Variants in HEATR5A observed in about 807,000 individuals in gnomAD.
The protein encoded by HEATR5A is HEAT repeat-containing protein 5A.
HEATR5A carries 178 observed loss-of-function variants against 218.8 expected under a neutral mutation model. That is an observed-to-expected ratio of 0.81 (90% CI 0.72 to 0.92). HEATR5A has a LOEUF of 0.92. HEATR5A is among the 40% of genes least tolerant of loss of function. HEATR5A has a pLI of 0.00. For synonymous variants in HEATR5A, 864 were observed against 871.6 expected, an observed-to-expected ratio of 0.99 and a Z score of 0.15; for missense variants, 2,420 against 2,418.9, an observed-to-expected ratio of 1.00 and a Z score of -0.01.
chr14:31,294,846 A>G (rs1899127478), intron 34 of HEATR5A, among the ~76,000 whole-genome samples: 1 of 152,116 alleles, frequency 6.6e-6, no homozygotes, highest in African/African-American at 2.4e-5. Flanking sequence ...TTGATGTTCA[A>G]ATGTCATGGT....
At chr14:31,386,978 G>A (rs2030251522) in intron 8 of HEATR5A, 142 bp downstream of exon 8, 1 of 760,582 alleles carries the variant, frequency 1.3e-6, no homozygotes, top group Non-Finnish European at 2.1e-6. Context: ...AAATTCTATA[G>A]GAAGTACAAC....
rs1206060850 is a variant in HEATR5A, at chr14:31,294,088, T to C, written c.5636A>G (p.Tyr1879Cys). Residue 1879 changes from tyrosine to cysteine, a missense_variant, in exon 35 of 36, where the codon TAC becomes TGC. Coordinates refer to ENST00000543095, the MANE Select transcript of HEATR5A (RefSeq NM_015473.4). The stretch of plus-strand genomic sequence containing the variant: ...CTGAAAGATGGAATGTAGGAGCTGG[T>C]AGGTCTTGATTTGTACCTAATAAGG... The part of the protein sequence containing the change: ...IKDPVVQIKT[Y>C]QLLHSIFQYP... 1 of 1,588,224 alleles carries C rather than the reference T, an allele frequency of 6.3e-7. No homozygotes were observed. Among genetic ancestry groups the C allele is most frequent in the Admixed American group, 1.8e-5 (1 of 56,034 alleles).
Position 31,337,612 on chromosome 14 carries a change from C to G in HEATR5A, c.3231G>C (p.Val1077=). Reference sequence around the variant, plus strand: ...GTAACAAGTAGGGGCTACAAAGATTCACCTGAAAAATACCATTTGAGGAAC... The same window carrying G: ...GTAACAAGTAGGGGCTACAAAGATTGACCTGAAAAATACCATTTGAGGAAC... ...NLSSLVSCLC[V]NLCSPYLLLR... Residue 1077 remains valine (V), a splice_region_variant and synonymous_variant, in exon 22 of 36, where the codon GTG becomes GTC. Coordinates refer to ENST00000543095, the MANE Select transcript of HEATR5A (RefSeq NM_015473.4). 2 of 1,599,518 alleles carry G rather than the reference C, an allele frequency of 1.3e-6. No homozygotes were observed. Among genetic ancestry groups the G allele is most frequent in the Non-Finnish European group, 1.7e-6 (2 of 1,172,644 alleles).
Position 31,293,362 on chromosome 14 carries a change from T to C in HEATR5A, c.6084A>G (p.Lys2028=), listed in dbSNP as rs369468079. The C allele has an allele frequency of 2.7e-5, 43 of 1,613,652 alleles. No homozygotes were observed. The African/African-American group carries it at 5.5e-4, about 21-fold the overall frequency. ...AGTTTTTTCCAGGACTCTTAGTATATTTAGATGTTGGTATCTTGACTTTGA... is the reference window on the plus strand; with the variant it reads ...AGTTTTTTCCAGGACTCTTAGTATACTTAGATGTTGGTATCTTGACTTTGA... The part of the protein sequence containing the change: ...ESVKVKIPTS[K]YTKSPGKNSS... The change falls in exon 36 of 36, where the codon AAA becomes AAG. Residue 2028 remains lysine, a synonymous_variant. Transcript: ENST00000543095.
At chr14:31,413,368 T>C (rs2031346700) in intron 1 of HEATR5A, among the ~76,000 whole-genome samples, 1 of 150,672 alleles carries the variant, frequency 6.6e-6, no homozygotes, top group East Asian at 1.9e-4. Context: ...GGTTGGGGAC[T>C]GAATTTACTC....
At chr14:31,386,697 C>G in intron 8 of HEATR5A, 122 bp from the exon 9 acceptor site, 1 of 781,372 alleles carries the variant, frequency 1.3e-6, no homozygotes, top group Non-Finnish European at 2.0e-6. Context: ...ATATGAAATA[C>G]TTGAGGCAAT....
Position 31,388,997 on chromosome 14 carries a change from G to T in HEATR5A, c.781C>A (p.Arg261Ser), listed in dbSNP as rs547265914. The T allele has an allele frequency of 3.1e-6, 5 of 1,609,830 alleles. No homozygotes were observed. Among genetic ancestry groups the T allele is most frequent in the South Asian group, 2.2e-5 (2 of 90,714 alleles). Residue 261 changes from arginine to serine, a missense_variant, in exon 7 of 36, where the codon CGT (arginine) becomes AGT (serine). Arg to Ser is a moderately radical substitution (Grantham distance 110). Transcript: ENST00000543095. Reference protein sequence around the residue: ...ISKHPGTAASRQSIRRVSLEE... With the variant: ...ISKHPGTAASSQSIRRVSLEE... ...AAAGATACTCTGCGAATGCTTTGACGTGAGGCTGCTATGACAAAGAACAAA... is the reference window on the plus strand; with the variant it reads ...AAAGATACTCTGCGAATGCTTTGACTTGAGGCTGCTATGACAAAGAACAAA...
Position 31,302,284 on chromosome 14 carries a change from G to A in HEATR5A, c.5464+11C>T. ...AGACAAACTGAACTGCTTCCAAATAGCCTCAATTACCTGGATCCCAACAGT... is the reference window on the plus strand; with the variant it reads ...AGACAAACTGAACTGCTTCCAAATAACCTCAATTACCTGGATCCCAACAGT... On this transcript the variant is annotated intron_variant, in intron 33 of 35. Coordinates refer to ENST00000543095, the MANE Select transcript of HEATR5A (RefSeq NM_015473.4). 6.4e-7 allele frequency: 1 copy of A among 1,551,966 alleles called. No individual in the cohort carries two copies. Among genetic ancestry groups the A allele is most frequent in the Non-Finnish European group, 8.8e-7 (1 of 1,137,224 alleles).
Position 31,318,223 on chromosome 14 carries a change from C to A in HEATR5A, c.4038+1G>T. 1 of 1,613,186 alleles carries A rather than the reference C, an allele frequency of 6.2e-7. No homozygotes were observed. The highest frequency in any genetic ancestry group is 1.7e-5 in the Admixed American group (1 of 60,012). ...TTAAGCTTCATCTTTTAACCATTTA[C>A]CTGACATGCTTTGGCAGTGACATCA... On this transcript the variant is annotated splice_donor_variant, in intron 26 of 35. Coordinates refer to ENST00000543095, the MANE Select transcript of HEATR5A (RefSeq NM_015473.4). LOFTEE classifies it high-confidence loss of function.
rs1234426574 is a variant in HEATR5A at position 31,364,159 on chromosome 14, C to CA, written c.2071+29dup. On this transcript the variant is annotated intron_variant, in intron 14 of 35. Transcript: ENST00000543095. Reference sequence around the variant, plus strand: ...TTCCAGAAACCATACTAGCCACAAACAAAAAAACATTTTGGTCTAAGGCAC... The same window carrying CA: ...TTCCAGAAACCATACTAGCCACAAACAAAAAAAACATTTTGGTCTAAGGCAC... The CA allele has an allele frequency of 9.0e-6, 9 of 1,001,870 alleles. No individual in the cohort carries two copies. In the Admixed American group the frequency reaches 1.1e-4, roughly 12 times the overall value. 62.1% of individuals were successfully genotyped at this position (1,001,870 alleles called of 1,614,324 possible). A position where few individuals can be genotyped will look rare whatever the true frequency, so the allele number is the denominator to read the frequency against.
intron 25 of HEATR5A, among the ~76,000 whole-genome samples, chr14:31,319,088 T>TA (rs1209809528): frequency 6.6e-6 from 1 of 152,234 alleles, no homozygotes; most frequent in Non-Finnish European, 1.5e-5. Context: ...GTAAGAGGGC[T>TA]AAAAATATAA....
At chr14:31,299,235 G>A (rs1566745184) in intron 33 of HEATR5A, among the ~76,000 whole-genome samples, 1 of 152,084 alleles carries the variant, frequency 6.6e-6, no homozygotes, top group Non-Finnish European at 1.5e-5. Context: ...GTCATCCTAC[G>A]CTTTCAACTC....
At chr14:31,362,606 C>CAAAAAAAAA (rs71115003) in intron 14 of HEATR5A, among the ~76,000 whole-genome samples, 89 of 44,738 alleles carry the variant, frequency 2.0e-3, no homozygotes, top group Middle Eastern at 0.025. Flanking sequence ...CTACAAATGA[C>CAAAAAAAAA]AAAAAAAAAA....
chr14:31,343,111 G>A (rs1339963946), intron 21 of HEATR5A, among the ~76,000 whole-genome samples: 2 of 147,550 alleles, frequency 1.4e-5, no homozygotes, highest in Non-Finnish European at 3.0e-5. Context: ...TTTTTCCTGA[G>A]ACGGAGTTTC....
At chr14:31,316,777 G>A (rs1204069040) in intron 26 of HEATR5A, among the ~76,000 whole-genome samples, 1 of 152,042 alleles carries the variant, frequency 6.6e-6, no homozygotes, top group African/African-American at 2.4e-5. Context: ...ATGTAGCCTT[G>A]ACCTCCACAG....
At chr14:31,324,589 A>G (rs1050614980) in intron 23 of HEATR5A, among the ~76,000 whole-genome samples, 1 of 152,190 alleles carries the variant, frequency 6.6e-6, no homozygotes, top group African/African-American at 2.4e-5. Context: ...TGGCAAGATA[A>G]AATTGAGCAA....
At chr14:31,398,573 C>T (rs1171066297) in intron 4 of HEATR5A, 100 bp downstream of exon 4, 2 of 615,914 alleles carry the variant, frequency 3.2e-6, no homozygotes, top group Admixed American at 2.9e-5. Flanking sequence ...TTCATATCTA[C>T]ATATGCTTGA....
At chr14:31,350,576 T>A in intron 17 of HEATR5A, 36 bp downstream of exon 17, 1 of 1,188,730 alleles carries the variant, frequency 8.4e-7, no homozygotes, top group Non-Finnish European at 1.2e-6. Flanking sequence ...TTTTAAAAAA[T>A]GAAGCCAACA....
intron 23 of HEATR5A, 52 bp downstream of exon 23, chr14:31,326,111 A>G: frequency 7.0e-7 from 1 of 1,432,510 alleles, no homozygotes; most frequent in Non-Finnish European, 9.8e-7. Flanking sequence ...AATTTTATGT[A>G]AAGTTTCAAA....
Sources: gnomAD v4.1 joint callset for allele counts (sites outside exome capture counted in the v4.1 genomes callset) on GRCh38, gnomAD v4.1.1 for gene constraint, MANE v1.5 for transcripts, NCBI Gene and HGNC (gene_info 2026-07-23, HGNC 2026-07-21) for gene names.